Variants in MRTFB observed in about 807,000 individuals in gnomAD.
MRTFB encodes myocardin-related transcription factor B.
A neutral mutation model predicts 104.2 loss-of-function variants in MRTFB; 29 were observed. That is an observed-to-expected ratio of 0.28 (90% CI 0.21 to 0.38). The LOEUF (loss-of-function observed/expected upper bound fraction) is 0.38. MRTFB is among the 10% of genes least tolerant of loss of function. The pLI, the probability that MRTFB is intolerant of heterozygous loss-of-function variation, is 1.00. For synonymous variants in MRTFB, 535 were observed against 519.5 expected (o/e 1.03, Z -0.41); for missense variants, 1,270 against 1,341.6 (o/e 0.95, Z 0.83).
intron 9 of MRTFB, among the ~76,000 whole-genome samples, chr16:14,238,541 A>C (rs2042624443): frequency 6.6e-6 from 1 of 152,186 alleles, no homozygotes; most frequent in Admixed American, 6.5e-5. Flanking sequence ...AAATAATTAC[A>C]AGATCTAGGC....
chr16:14,240,284 C>G lies in MRTFB; in HGVS notation c.879C>G (p.Cys293Trp). ...ATGACAAACACCGTAGCAAAAAGTG[C>G]AAAGATCCCAAACCACGGGTAAAGA... ...NPNDKHRSKK[C>W]KDPKPRVKKL... is the part of the protein sequence containing the mutation. Residue 293 changes from cysteine to tryptophan, a missense_variant, in exon 10 of 17, where the codon TGC becomes TGG. Coordinates refer to ENST00000571589, the MANE Select transcript of MRTFB (RefSeq NM_001308142.2). 1.2e-6 allele frequency: 2 copies of G among 1,612,798 alleles called. No individual in the cohort carries two copies. Among genetic ancestry groups the G allele is most frequent in the Non-Finnish European group, 1.7e-6 (2 of 1,179,642 alleles).
intron 8 of MRTFB, among the ~76,000 whole-genome samples, chr16:14,233,035 A>G (rs1348156031): frequency 2.0e-5 from 3 of 152,220 alleles, no homozygotes; most frequent in African/African-American, 7.2e-5. Flanking sequence ...GTTTATTACA[A>G]TAGTAATTGT....
intron 9 of MRTFB, 47 bp from the exon 10 acceptor site, chr16:14,240,190 A>C (rs764756753): frequency 4.6e-6 from 7 of 1,532,786 alleles, no homozygotes; most frequent in Non-Finnish European, 6.1e-6. Flanking sequence ...AAAAGATTTT[A>C]TGTGGTGACA....
chr16:14,102,155 T>TA lies in MRTFB; in HGVS notation c.-64+22801_-64+22802insA, dbSNP rs199863013. On this transcript the variant is annotated intron_variant, in intron 2 of 16. Transcript: ENST00000571589. ...AAAATAAAGTGCAACCTGAGTCTTTTTAAAAAAAAAAAAAGAAATTGTGGT... is the reference window on the plus strand; with the variant it reads ...AAAATAAAGTGCAACCTGAGTCTTTTATAAAAAAAAAAAAAGAAATTGTGGT... 1.9e-3 allele frequency among the ~76,000 whole-genome samples: 287 copies of TA among 150,676 alleles called. 1 individual carries two copies. The highest frequency in any genetic ancestry group is 3.7e-3 in the African/African-American group (151 of 40,706).
intron 2 of MRTFB, among the ~76,000 whole-genome samples, chr16:14,080,464 A>T (rs997946911): frequency 6.6e-6 from 1 of 152,322 alleles, no homozygotes; most frequent in Non-Finnish European, 1.5e-5. Flanking sequence ...GTTACCTCAC[A>T]TAGTTACCAT....
At chr16:14,131,135 A>T (rs1224901040) in intron 2 of MRTFB, among the ~76,000 whole-genome samples, 1 of 152,186 alleles carries the variant, frequency 6.6e-6, no homozygotes, top group Non-Finnish European at 1.5e-5. Flanking sequence ...TATTAGTGAT[A>T]GTGCTGGATT....
At chr16:14,141,842 T>TG (rs201900840) in intron 3 of MRTFB, 3 of 112,746 alleles carry the variant, frequency 2.7e-5, no homozygotes, top group African/African-American at 1.3e-4. Context: ...TTGATAGGTG[T>TG]TTTTTTTTTT....
chr16:14,081,825 C>T (rs1486462784), intron 2 of MRTFB, among the ~76,000 whole-genome samples: 1 of 152,178 alleles, frequency 6.6e-6, no homozygotes, highest in Non-Finnish European at 1.5e-5. Context: ...AAGCAGTCCA[C>T]CCGCCTCGGC....
chr16:14,080,807 G>C (rs66802536), intron 2 of MRTFB, among the ~76,000 whole-genome samples: 27,322 of 152,114 alleles, frequency 0.18, 3,940 homozygotes, highest in African/African-American at 0.39. Context: ...ATGTTCTCCA[G>C]GTTCATCCAT....
At chr16:14,118,143 T>TC (rs1364901639) in intron 2 of MRTFB, among the ~76,000 whole-genome samples, 4 of 126,906 alleles carry the variant, frequency 3.2e-5, no homozygotes, top group African/African-American at 1.5e-4. Flanking sequence ...TTTCTTTTTC[T>TC]TTTTTTTTTG....
chr16:14,207,533 C>T (rs908718925), intron 3 of MRTFB, among the ~76,000 whole-genome samples: 3 of 152,084 alleles, frequency 2.0e-5, no homozygotes, highest in Admixed American at 6.5e-5. Context: ...TTCTAAGATC[C>T]TTGGACTCTC....
chr16:14,186,951 C>T (rs1301027508), intron 3 of MRTFB: 4 of 1,598,066 alleles, frequency 2.5e-6, no homozygotes, highest in Non-Finnish European at 2.5e-6. Flanking sequence ...ACAGGGCTTC[C>T]CAGAGATTTT....
chr16:14,189,947 A>T (rs972584181), intron 3 of MRTFB, among the ~76,000 whole-genome samples: 1 of 152,222 alleles, frequency 6.6e-6, no homozygotes. Context: ...ACGCTGTAGG[A>T]TTCAAGAATT....
At chr16:14,155,149 T>G (rs1304579593) in intron 3 of MRTFB, among the ~76,000 whole-genome samples, 1 of 152,226 alleles carries the variant, frequency 6.6e-6, no homozygotes, top group Admixed American at 6.5e-5. Context: ...CTTACCTTGT[T>G]TAATTTTTTC....
rs530900018 is a variant in MRTFB at position 14,209,899 on chromosome 16, CTT to C, written c.155-343_155-342del. 2.5e-3 allele frequency among the ~76,000 whole-genome samples: 382 copies of C among 152,244 alleles called. 1 individual carries two copies. The highest frequency in any genetic ancestry group is 8.8e-3 in the African/African-American group (364 of 41,560). The stretch of plus-strand genomic sequence containing the variant: ...AGATGTGTCAAAGAATTTCACGTCT[CTT>C]ATTTCTATAAATTAGATTTATTAGC... On this transcript the variant is annotated intron_variant, in intron 3 of 16. Coordinates refer to ENST00000571589, the MANE Select transcript of MRTFB (RefSeq NM_001308142.2).
intron 2 of MRTFB, among the ~76,000 whole-genome samples, chr16:14,132,345 C>CT (rs2037483834): frequency 6.6e-6 from 1 of 150,998 alleles, no homozygotes; most frequent in Non-Finnish European, 1.5e-5. Context: ...ATGTTCTGGA[C>CT]TTGGATAGTG....
chr16:14,261,691 C>G lies in MRTFB; in HGVS notation c.*247C>G. 2.3e-6 allele frequency: 1 copy of G among 436,408 alleles called. No individual in the cohort carries two copies. The allele number at this position is 436,408 out of a possible 1,614,324, so 27.0% of individuals were successfully genotyped here. A position where few individuals can be genotyped will look rare whatever the true frequency, so the allele number is the denominator to read the frequency against. ...ATCGCACTTGTCAAAGACGACTCAT[C>G]TATTTCTCCAGACTTCAGTAAAGAA... On this transcript the variant is annotated 3_prime_UTR_variant, in exon 17 of 17. Transcript: ENST00000571589.
intron 3 of MRTFB, among the ~76,000 whole-genome samples, chr16:14,205,805 T>C (rs1316303477): frequency 3.3e-5 from 5 of 152,180 alleles, no homozygotes; most frequent in Non-Finnish European, 5.9e-5. Flanking sequence ...GTTACTCAAC[T>C]TACTAAGAAG....
At chr16:14,196,111 A>G (rs938916707) in intron 3 of MRTFB, among the ~76,000 whole-genome samples, 13 of 152,330 alleles carry the variant, frequency 8.5e-5, no homozygotes, top group African/African-American at 3.1e-4. Flanking sequence ...ACTTTTGACA[A>G]AAAGGAGAAG....
Sources: gnomAD v4.1 joint callset for allele counts (sites outside exome capture counted in the v4.1 genomes callset) on GRCh38, gnomAD v4.1.1 for gene constraint, MANE v1.5 for transcripts, NCBI Gene and HGNC (gene_info 2026-07-23, HGNC 2026-07-21) for gene names.